SS18: variants seen among roughly 807,000 people sequenced by gnomAD.
The protein encoded by SS18 is protein SSXT.
Under a neutral mutation model 72.5 loss-of-function variants are expected in SS18, and 28 were observed. The ratio of observed to expected loss-of-function variants is 0.39; its 90% confidence interval spans 0.29 to 0.53. The LOEUF is 0.53. Among genes scored for constraint, SS18 ranks in the 20% least tolerant of loss-of-function variants. SS18 has a pLI of 0.76. For synonymous variants in SS18, 172 were observed against 164.2 expected (o/e 1.05, Z -0.37); for missense variants, 518 against 535.3 (o/e 0.97, Z 0.32).
chr18:26,090,396 C>T, intron 1 of SS18, 105 bp downstream of exon 1: 1 of 1,159,768 alleles, frequency 8.6e-7, no homozygotes, highest in Non-Finnish European at 1.3e-6. Context: ...CCAGCAGGCC[C>T]GCCTCCGCCT....
intron 5 of SS18, among the ~76,000 whole-genome samples, chr18:26,047,936 G>C (rs528254879): frequency 2.2e-4 from 34 of 152,190 alleles, no homozygotes; most frequent in African/African-American, 7.5e-4. Context: ...AAGGCAAACA[G>C]ACTTAACCTA....
intron 2 of SS18, chr18:26,078,449 C>G (rs1213152721): frequency 1.2e-5 from 3 of 245,634 alleles, no homozygotes; most frequent in Non-Finnish European, 2.3e-5. Flanking sequence ...CTCCATTTTA[C>G]AGATGAGAAA....
intron 10 of SS18, among the ~76,000 whole-genome samples, chr18:26,031,182 C>T (rs1290541669): frequency 6.6e-6 from 1 of 152,220 alleles, no homozygotes; most frequent in Admixed American, 6.5e-5. Flanking sequence ...TATTTCACTT[C>T]TAAAACTTAA....
chr18:26,018,373 T>C lies in SS18; in HGVS notation c.1238A>G (p.Tyr413Cys). ...ACTTTTTCACTGCTGGTAATTTCCA[T>C]ACTGTCCCTAAAAGATAAATTTAAA... is the stretch of plus-strand genomic sequence containing the variant. Reference protein sequence around the residue: ...QRPYGYDQGQYGNYQQ With the variant: ...QRPYGYDQGQCGNYQQ The change falls in exon 11 of 11, where the codon TAT becomes TGT. Residue 413 changes from tyrosine to cysteine, a missense_variant. Tyr to Cys is a radical substitution (Grantham distance 194). Transcript: ENST00000415083. 8 of 1,593,566 alleles carry C rather than the reference T, an allele frequency of 5.0e-6. No homozygotes were observed. The highest frequency in any genetic ancestry group is 6.0e-6 in the Non-Finnish European group (7 of 1,162,276).
At chr18:26,043,907 G>A (rs993491050) in intron 5 of SS18, among the ~76,000 whole-genome samples, 3 of 152,094 alleles carry the variant, frequency 2.0e-5, no homozygotes, top group Non-Finnish European at 4.4e-5. Flanking sequence ...AGTTTTAAAA[G>A]GTATTAAAAA....
intron 1 of SS18, among the ~76,000 whole-genome samples, chr18:26,089,153 T>G (rs1449731180): frequency 1.2e-4 from 19 of 152,170 alleles, no homozygotes; most frequent in Admixed American, 1.2e-3. Context: ...AAATAATTGA[T>G]CAGCATCCTC....
chr18:26,062,279 G>A (rs1358157584), intron 3 of SS18, among the ~76,000 whole-genome samples: 1 of 152,076 alleles, frequency 6.6e-6, no homozygotes, highest in East Asian at 1.9e-4. Flanking sequence ...AAGACAGCGA[G>A]ATAAATGAAA....
At chr18:26,088,408 G>A (rs1290474914) in intron 1 of SS18, among the ~76,000 whole-genome samples, 2 of 152,232 alleles carry the variant, frequency 1.3e-5, no homozygotes, top group East Asian at 3.9e-4. Context: ...ATGGTTTTGT[G>A]ACTCTCCAAT....
At chr18:26,083,990 A>G (rs2054574001) in intron 2 of SS18, 1 of 152,218 alleles carries the variant, frequency 6.6e-6, no homozygotes, top group Non-Finnish European at 1.5e-5. Context: ...CTCAGATCTT[A>G]GTTTCTAAAC....
At chr18:26,082,862 T>A (rs1464690083) in intron 2 of SS18, among the ~76,000 whole-genome samples, 1 of 152,210 alleles carries the variant, frequency 6.6e-6, no homozygotes, top group Non-Finnish European at 1.5e-5. Context: ...TTTCATAAAA[T>A]ACATAGTTAT....
chr18:26,072,697 T>C (rs534304341), intron 3 of SS18, among the ~76,000 whole-genome samples: 4 of 141,214 alleles, frequency 2.8e-5, no homozygotes, highest in Non-Finnish European at 6.0e-5. Context: ...CTAGGGAGGC[T>C]GAAGTAGAAG....
chr18:26,081,642 T>C lies in SS18; in HGVS notation c.147-3482A>G, dbSNP rs796141701. 3.9e-5 allele frequency among the ~76,000 whole-genome samples: 6 copies of C among 152,280 alleles called. 1 individual carries two copies. Among genetic ancestry groups the C allele is most frequent in the African/African-American group, 1.4e-4 (6 of 41,510 alleles). On this transcript the variant is annotated intron_variant, in intron 2 of 10. Coordinates refer to ENST00000415083, the MANE Select transcript of SS18 (RefSeq NM_001007559.3). ...GAGAATCTGGACTCAGGTGACAATATTGAAATGATAATAAAAATGATATTA... is the reference window on the plus strand; with the variant it reads ...GAGAATCTGGACTCAGGTGACAATACTGAAATGATAATAAAAATGATATTA...
chr18:26,025,934 C>A (rs1233853823), intron 10 of SS18, among the ~76,000 whole-genome samples: 2 of 151,770 alleles, frequency 1.3e-5, no homozygotes, highest in African/African-American at 4.8e-5. Context: ...GGGGTTATGT[C>A]CCAATTAACC....
intron 3 of SS18, among the ~76,000 whole-genome samples, chr18:26,074,369 A>C (rs576525128): frequency 6.6e-6 from 1 of 152,072 alleles, no homozygotes; most frequent in African/African-American, 2.4e-5. Flanking sequence ...TTATCCCCAA[A>C]AATCTGAAAA....
At chr18:26,018,417 T>C (rs1203840217) in intron 10 of SS18, 37 bp from the exon 11 acceptor site, 1 of 1,418,182 alleles carries the variant, frequency 7.1e-7, no homozygotes, top group East Asian at 2.5e-5. Context: ...TAGATAATAG[T>C]TTGACCATAA....
At chr18:26,086,521 T>C (rs758376148) in intron 2 of SS18, among the ~76,000 whole-genome samples, 20 of 152,382 alleles carry the variant, frequency 1.3e-4, no homozygotes, top group Non-Finnish European at 2.4e-4. Context: ...CTAATACTAA[T>C]GTCATCTGCT....
chr18:26,027,672 A>T (rs1015906009), intron 10 of SS18, among the ~76,000 whole-genome samples: 80 of 13,336 alleles, frequency 6.0e-3, no homozygotes, highest in African/African-American at 0.028. Context: ...AGACTCATCT[A>T]AAAAAAAAAA....
chr18:26,032,635 G>A, intron 9 of SS18, 103 bp from the exon 10 acceptor site: 8 of 1,316,126 alleles, frequency 6.1e-6, no homozygotes, highest in Non-Finnish European at 8.2e-6. Flanking sequence ...TTCTATCTAA[G>A]CTAAAAAAAG....
chr18:26,056,524 TC>T (rs1321689869), intron 4 of SS18, among the ~76,000 whole-genome samples: 1 of 152,160 alleles, frequency 6.6e-6, no homozygotes, highest in Non-Finnish European at 1.5e-5. Flanking sequence ...ACCACTGCCC[TC>T]CTATATGATC....
Sources: gnomAD v4.1 joint callset for allele counts (sites outside exome capture counted in the v4.1 genomes callset) on GRCh38, gnomAD v4.1.1 for gene constraint, MANE v1.5 for transcripts, NCBI Gene and HGNC (gene_info 2026-07-23, HGNC 2026-07-21) for gene names.